Variants in ATP2A3 observed in about 807,000 individuals in gnomAD.
ATP2A3 encodes ATPase sarcoplasmic/endoplasmic reticulum Ca2+ transporting 3.
In ATP2A3, 61 loss-of-function variants were observed where a neutral mutation model predicts 106.8. The ratio of observed to expected loss-of-function variants is 0.57; its 90% CI spans 0.46 to 0.71. The LOEUF is 0.71. Ranked by LOEUF, ATP2A3 falls within the 30% of genes least tolerant of loss-of-function variation. The pLI, the probability that ATP2A3 is intolerant of heterozygous loss-of-function variation, is 0.00. For synonymous variants in ATP2A3, 611 were observed against 609.3 expected (o/e 1.00, Z -0.04); for missense variants, 1,201 against 1,423.5 (o/e 0.84, Z 2.52).
rs889494570 is a variant in ATP2A3 at position 3,955,101 on chromosome 17, T to C, written c.119-1391A>G. Among the ~76,000 whole-genome samples, 2 of 152,188 alleles carry C rather than the reference T, an allele frequency of 1.3e-5. No homozygotes were observed. The highest frequency in any genetic ancestry group is 2.4e-5 in the African/African-American group (1 of 41,456). On this transcript the variant is annotated intron_variant, in intron 1 of 20. Transcript: ENST00000397041. The surrounding 1 kb of genome is among the most constrained non-coding windows in gnomAD (Gnocchi z 4.2). Reference sequence around the variant, plus strand: ...TCTAACTGAGCCCTGCCTCCTCTTGTCTCTTGCCACTCAAAGGACAGTCTC... The same window carrying C: ...TCTAACTGAGCCCTGCCTCCTCTTGCCTCTTGCCACTCAAAGGACAGTCTC...
In ATP2A3 at chr17:3,941,129, C is replaced by G. The variant is rs147356902; in HGVS notation, c.1942G>C (p.Val648Leu). The change falls in exon 14 of 21, where the codon GTG (valine) becomes CTG (leucine). Residue 648 changes from valine to leucine, a missense_variant. This residue lies in a region of ATP2A3 where 935 missense variants were observed against 1,176.7 expected (regional missense o/e 0.79). Transcript: ENST00000397041. ...RLGIFGDTEDVAGKAYTGREF... is the reference protein window; with the variant it reads ...RLGIFGDTEDLAGKAYTGREF... ...CGGCCCGTGTAGGCCTTGCCCGCCA[C>G]GTCTTCCGTGTCCCCAAAGATGCCA... is the stretch of plus-strand genomic sequence containing the variant. The G allele has an allele frequency of 3.7e-6, 6 of 1,614,098 alleles. No homozygotes were observed. In the South Asian group the frequency reaches 5.5e-5, roughly 15 times the overall value.
rs776898428 is a variant in ATP2A3, at chr17:3,928,079, C to T, written c.2980+584G>A. On this transcript the variant is annotated intron_variant, in intron 20 of 20. Transcript: ENST00000397041. The surrounding 1 kb of genome is among the most constrained non-coding windows in gnomAD (Gnocchi z 6.1). ...TCACCCACTCTCAGAGCCCACCTGG[C>T]AGAGGCAGGTGGATGGACCCCATGT... 23 of 1,613,060 alleles carry T rather than the reference C, an allele frequency of 1.4e-5. No homozygotes were observed. Among genetic ancestry groups the T allele is most frequent in the Non-Finnish European group, 2.0e-5 (23 of 1,179,322 alleles).
At chr17:3,943,590 C>T (rs2053911648) in intron 10 of ATP2A3, 68 bp from the exon 11 acceptor site, 1 of 1,600,260 alleles carries the variant, frequency 6.2e-7, no homozygotes, top group Non-Finnish European at 8.5e-7. Flanking sequence ...CAGCCTCACT[C>T]ACTCCTTGCC....
chr17:3,928,242 G>C lies in ATP2A3; in HGVS notation c.2980+421C>G. The C allele has an allele frequency of 1.2e-6, 2 of 1,613,570 alleles. No individual in the cohort carries two copies. Among genetic ancestry groups the C allele is most frequent in the African/African-American group, 1.3e-5 (1 of 75,040 alleles). ...AAGGTGATACCAAAGAGGCCAACCCGGTGTGGTCTGGGGTCCAAGAGGTGG... is the reference window on the plus strand; with the variant it reads ...AAGGTGATACCAAAGAGGCCAACCCCGTGTGGTCTGGGGTCCAAGAGGTGG... On this transcript the variant is annotated intron_variant, in intron 20 of 20. Transcript: ENST00000397041. This position sits in a 1 kb window ranked among gnomAD's most constrained non-coding sequence, Gnocchi z 6.1.
chr17:3,946,719 C>T (rs73971764), intron 8 of ATP2A3, among the ~76,000 whole-genome samples: 4,206 of 152,272 alleles, frequency 0.028, 194 homozygotes, highest in African/African-American at 0.096. Context: ...CCTGGGTTTC[C>T]AAGCCCAGTG....
chr17:3,924,383 G>C lies in ATP2A3; in HGVS notation c.*1039C>G. On this transcript the variant is annotated 3_prime_UTR_variant, in exon 21 of 21. Transcript: ENST00000397041. This position sits in a 1 kb window ranked among gnomAD's most constrained non-coding sequence, Gnocchi z 6.4. ...GGGAGGGAGAGCGGGTGCCCTTGGG[G>C]AATCAGCCATCCTTAGTGACATCCT... 1 of 168,940 alleles carries C rather than the reference G, an allele frequency of 5.9e-6. No homozygotes were observed. The allele number at this position is 168,940 out of a possible 1,614,324, so 10.5% of individuals were successfully genotyped here. A position where few individuals can be genotyped will look rare whatever the true frequency, so the allele number is the denominator to read the frequency against.
intron 1 of ATP2A3, among the ~76,000 whole-genome samples, chr17:3,957,113 C>T (rs1480963727): frequency 6.6e-6 from 1 of 152,248 alleles, no homozygotes; most frequent in Non-Finnish European, 1.5e-5. Context: ...AGGTGCTTAG[C>T]GGAGGTCATA....
chr17:3,956,581 G>A (rs557551135), intron 1 of ATP2A3, among the ~76,000 whole-genome samples: 111 of 152,250 alleles, frequency 7.3e-4, no homozygotes, highest in African/African-American at 2.4e-3. Context: ...ATAGCCAAGC[G>A]GCTGGAGCTC....
Position 3,936,512 on chromosome 17 carries a change from C to G in ATP2A3, c.2322-43G>C. ...GCTCTAGCCCCGGTAGGCCTAGCCC[C>G]CGGCAGATGCAGGCTCCAGCTCCTG... On this transcript the variant is annotated intron_variant, in intron 15 of 20. Transcript: ENST00000397041. This position sits in a 1 kb window ranked among gnomAD's most constrained non-coding sequence, Gnocchi z 5.4. The G allele has an allele frequency of 6.2e-7, 1 of 1,604,566 alleles. No homozygotes were observed. Among genetic ancestry groups the G allele is most frequent in the Non-Finnish European group, 8.5e-7 (1 of 1,172,890 alleles).
chr17:3,964,235 T>C lies in ATP2A3; in HGVS notation c.57A>G (p.Thr19=), dbSNP rs1236487276. The C allele has an allele frequency of 3.1e-6, 4 of 1,281,292 alleles. No homozygotes were observed. Among genetic ancestry groups the C allele is most frequent in the South Asian group, 1.7e-5 (1 of 59,034 alleles). The allele number at this position is 1,281,292 out of a possible 1,614,324, so 79.4% of individuals were successfully genotyped here. A position where few individuals can be genotyped will look rare whatever the true frequency, so the allele number is the denominator to read the frequency against. ...GCGCCGGGCTCAGGCCGCCCTCGGC[T>C]GTCACCGAGAAGTGGCGCAGCACGT... ...AADVLRHFSV[T]AEGGLSPAQV... is the part of the protein sequence containing the mutation. The change falls in exon 1 of 21, where the codon ACA becomes ACG. Residue 19 remains threonine, a synonymous_variant. Transcript: ENST00000397041.
In ATP2A3 at chr17:3,938,305, G is replaced by A. The variant is rs186981726; in HGVS notation, c.2101-669C>T. On this transcript the variant is annotated intron_variant, in intron 14 of 20. Transcript: ENST00000397041. ...AAAAATTAGCTGGGCGCAGTGGCGC[G>A]TGCCTATGATCTCAGCTACATGGGA... is the stretch of plus-strand genomic sequence containing the variant. 1.9e-4 allele frequency among the ~76,000 whole-genome samples: 29 copies of A among 152,168 alleles called. No homozygotes were observed. In the East Asian group the frequency reaches 4.9e-3, roughly 26 times the overall value.
At chr17:3,931,194 G>A (rs1254037590) in intron 17 of ATP2A3, among the ~76,000 whole-genome samples, 1 of 151,946 alleles carries the variant, frequency 6.6e-6, no homozygotes, top group Non-Finnish European at 1.5e-5. Flanking sequence ...TTCTGCCACT[G>A]AAACTGAACT....
At chr17:3,933,641 C>A (rs185424266) in intron 17 of ATP2A3, among the ~76,000 whole-genome samples, 1 of 151,100 alleles carries the variant, frequency 6.6e-6, no homozygotes, top group African/African-American at 2.5e-5. Flanking sequence ...GAGGCTGAGG[C>A]AGGGGAATCA....
chr17:3,939,786 T>TTTAAAA (rs1555558101), intron 14 of ATP2A3, among the ~76,000 whole-genome samples: 1 of 50,492 alleles, frequency 2.0e-5, no homozygotes, highest in Non-Finnish European at 4.0e-5. Context: ...AGACTCTGTC[T>TTTAAAA]AAAAAAAAAA....
intron 14 of ATP2A3, among the ~76,000 whole-genome samples, chr17:3,939,786 TAAAAAAAAAAAAAA>T (rs71381543): frequency 4.0e-5 from 2 of 50,492 alleles, no homozygotes; most frequent in Non-Finnish European, 8.1e-5. Flanking sequence ...AGACTCTGTC[TAAAAAAAAAAAAAA>T]AAAAAAAAAA....
Position 3,953,728 on chromosome 17 carries a change from C to T in ATP2A3, c.119-18G>A, listed in dbSNP as rs2054590256. 6.4e-7 allele frequency: 1 copy of T among 1,568,658 alleles called. No homozygotes were observed. On this transcript the variant is annotated intron_variant, in intron 1 of 20. Transcript: ENST00000397041. This position sits in a 1 kb window ranked among gnomAD's most constrained non-coding sequence, Gnocchi z 5.1. ...CGGGAGCTCTGCAGGATCCAGGCAG[C>T]CACGGGAGCCATGAGGAGACAAGAG...
In ATP2A3 at chr17:3,964,208, C is replaced by A; in HGVS notation, c.84G>T (p.Gln28His). 7.9e-7 allele frequency: 1 copy of A among 1,260,434 alleles called. No homozygotes were observed. The highest frequency in any genetic ancestry group is 1.9e-5 in the South Asian group (1 of 53,844). 78.1% of individuals were successfully genotyped at this position (1,260,434 alleles called of 1,614,324 possible). Residue 28 changes from glutamine to histidine, a missense_variant, in exon 1 of 21, where the codon CAG becomes CAT. Gln to His is a conservative substitution (Grantham distance 24, BLOSUM62 0). Coordinates refer to ENST00000397041, the MANE Select transcript of ATP2A3 (RefSeq NM_005173.4). ...VTAEGGLSPA[Q>H]VTGARERYGP... ...CGTAGCGCTCCCGCGCGCCGGTCAC[C>A]TGCGCCGGGCTCAGGCCGCCCTCGG...
At chr17:3,928,000 G>A in intron 20 of ATP2A3, 1 of 1,614,000 alleles carries the variant, frequency 6.2e-7, no homozygotes, top group Non-Finnish European at 8.5e-7. Flanking sequence ...CTCCCTCTCT[G>A]AGCAGCTCTG....
At chr17:3,938,194 G>A (rs2144408088) in intron 14 of ATP2A3, among the ~76,000 whole-genome samples, 1 of 152,326 alleles carries the variant, frequency 6.6e-6, no homozygotes, top group South Asian at 2.1e-4. Context: ...AGCACTTTGG[G>A]AGGCCGAGGT....
Sources: gnomAD v4.1 joint callset for allele counts (sites outside exome capture counted in the v4.1 genomes callset) on GRCh38, gnomAD v4.1.1 for gene constraint, gnomAD v4.1.1 regional missense constraint, Gnocchi (gnomAD v3.1) non-coding constraint, MANE v1.5 for transcripts, NCBI Gene and HGNC (gene_info 2026-07-23, HGNC 2026-07-21) for gene names.